EPHB2: variants seen among roughly 807,000 people sequenced by gnomAD.
The protein encoded by EPHB2 is ephrin type-B receptor 2.
Under a neutral mutation model 96.4 loss-of-function variants are expected in EPHB2, and 18 were observed. That is an observed-to-expected ratio of 0.19 (90% CI 0.13 to 0.28). The LOEUF (loss-of-function observed/expected upper bound fraction) is 0.28, where lower values mean the gene tolerates loss of function less well. Among genes scored for constraint, EPHB2 ranks in the 10% least tolerant of loss-of-function variants. EPHB2 has a pLI of 1.00. For synonymous variants in EPHB2, 506 were observed against 534.1 expected (o/e 0.95, Z 0.72); for missense variants, 989 against 1,355.4 (o/e 0.73, Z 4.25).
At chr1:22,801,746 C>G (rs567546423) in intron 3 of EPHB2, among the ~76,000 whole-genome samples, 11 of 152,332 alleles carry the variant, frequency 7.2e-5, no homozygotes, top group Non-Finnish European at 1.6e-4. Flanking sequence ...TCCCCTTCCC[C>G]CTCCAGATGG....
At position 22,816,466 on chromosome 1, in the gene EPHB2, C is replaced by T. The variant is rs186566302; in HGVS notation, c.811+31390C>T. Among the ~76,000 whole-genome samples the T allele has an allele frequency of 1.6e-4, 24 of 152,296 alleles. No individual in the cohort carries two copies. The East Asian group carries it at 4.6e-3, about 29-fold the overall frequency. On this transcript the variant is annotated intron_variant, in intron 3 of 15. Transcript: ENST00000374630. ...TTCCAAGCCCATTGGCCCAACTCCC[C>T]CATCCCCACCCACCAGTACCTTAGG...
At chr1:22,791,973 T>A (rs1557677122) in intron 3 of EPHB2, among the ~76,000 whole-genome samples, 2 of 152,208 alleles carry the variant, frequency 1.3e-5, no homozygotes, top group African/African-American at 2.4e-5. Context: ...CAGCTGCCTT[T>A]GAGAGTGCCT....
rs1399162607 is a variant in EPHB2 at position 22,905,885 on chromosome 1, C to T, written c.1766-102C>T. ...AGTTGCCCAGTTCTTATGGGGGCCA[C>T]ATGGGAGTGGATTTCCCTCCACGGA... On this transcript the variant is annotated intron_variant, in intron 9 of 15. Transcript: ENST00000374630. 3.1e-6 allele frequency: 5 copies of T among 1,588,406 alleles called. No individual in the cohort carries two copies. The Admixed American group carries it at 8.4e-5, about 27-fold the overall frequency.
At chr1:22,862,148 T>C (rs1232877582) in intron 3 of EPHB2, among the ~76,000 whole-genome samples, 11 of 152,198 alleles carry the variant, frequency 7.2e-5, no homozygotes, top group Admixed American at 7.2e-4. Context: ...TGAATATGTG[T>C]GCACACAAGG....
intron 2 of EPHB2, 70 bp downstream of exon 2, chr1:22,781,555 G>C: frequency 6.6e-7 from 1 of 1,506,560 alleles, no homozygotes; most frequent in East Asian, 2.3e-5. Context: ...GGGCCCGAAT[G>C]CCCCCTCATA....
At chr1:22,854,263 C>T (rs1645667453) in intron 3 of EPHB2, among the ~76,000 whole-genome samples, 1 of 152,148 alleles carries the variant, frequency 6.6e-6, no homozygotes, top group Admixed American at 6.5e-5. Flanking sequence ...GTAATCCCAG[C>T]ACTTAGGGAG....
chr1:22,753,694 C>T (rs568095655), intron 1 of EPHB2, among the ~76,000 whole-genome samples: 4 of 150,280 alleles, frequency 2.7e-5, no homozygotes, highest in South Asian at 4.1e-4. Flanking sequence ...GCTGAGTGGA[C>T]GGGCCCCCTG....
chr1:22,742,543 A>T (rs1426741970), intron 1 of EPHB2, among the ~76,000 whole-genome samples: 1 of 152,052 alleles, frequency 6.6e-6, no homozygotes, highest in East Asian at 1.9e-4. Flanking sequence ...GCTGGAGTGG[A>T]GTGCAATGGC....
intron 3 of EPHB2, among the ~76,000 whole-genome samples, chr1:22,791,727 A>G (rs928564244): frequency 1.3e-5 from 2 of 152,128 alleles, no homozygotes; most frequent in Non-Finnish European, 2.9e-5. Context: ...ACCGTAATTT[A>G]TTTACTACTG....
chr1:22,842,144 G>A (rs1315508910), intron 3 of EPHB2, among the ~76,000 whole-genome samples: 3 of 151,906 alleles, frequency 2.0e-5, no homozygotes, highest in Non-Finnish European at 4.4e-5. Context: ...AAGGAGCAGC[G>A]TGGCTACAGA....
At chr1:22,828,640 C>A (rs17435615) in intron 3 of EPHB2, among the ~76,000 whole-genome samples, 43,529 of 151,888 alleles carry the variant, frequency 0.29, 6,681 homozygotes, top group Middle Eastern at 0.44. Context: ...TCACAGTCAC[C>A]GCCTGTCACG....
chr1:22,726,923 A>G (rs926037039), intron 1 of EPHB2, among the ~76,000 whole-genome samples: 1 of 152,208 alleles, frequency 6.6e-6, no homozygotes, highest in African/African-American at 2.4e-5. Flanking sequence ...GATGGAAAGA[A>G]GGGCATTCTT....
intron 1 of EPHB2, among the ~76,000 whole-genome samples, chr1:22,757,777 C>T (rs1321278872): frequency 9.2e-5 from 14 of 152,088 alleles, no homozygotes; most frequent in South Asian, 2.1e-4. Flanking sequence ...GTGGGAGAAT[C>T]GCTTATGCCT....
intron 1 of EPHB2, among the ~76,000 whole-genome samples, chr1:22,741,869 C>T (rs889795525): frequency 4.6e-5 from 7 of 151,934 alleles, no homozygotes; most frequent in Non-Finnish European, 7.4e-5. Flanking sequence ...ATGAGAAGGC[C>T]GGAGCTCAGT....
chr1:22,770,945 T>C (rs1424660449), intron 1 of EPHB2, among the ~76,000 whole-genome samples: 7 of 152,066 alleles, frequency 4.6e-5, no homozygotes, highest in African/African-American at 1.7e-4. Context: ...CATGGGGCAT[T>C]GTGAGCATCA....
intron 9 of EPHB2, among the ~76,000 whole-genome samples, chr1:22,904,769 C>T (rs556928536): frequency 2.6e-5 from 4 of 152,326 alleles, no homozygotes; most frequent in Admixed American, 1.3e-4. Context: ...GGCTATAAGC[C>T]AATTCGCCAA....
chr1:22,839,891 C>G (rs1570366979), intron 3 of EPHB2, among the ~76,000 whole-genome samples: 2 of 152,160 alleles, frequency 1.3e-5, no homozygotes, highest in African/African-American at 2.4e-5. Context: ...CTATCGTACC[C>G]TACACTCCTT....
intron 3 of EPHB2, among the ~76,000 whole-genome samples, chr1:22,791,099 C>T (rs1644684489): frequency 6.6e-6 from 1 of 152,088 alleles, no homozygotes; most frequent in Admixed American, 6.5e-5. Flanking sequence ...GGCTGTTATA[C>T]AGAGTAAATG....
At chr1:22,861,496 A>G (rs1638258683) in intron 3 of EPHB2, among the ~76,000 whole-genome samples, 1 of 152,168 alleles carries the variant, frequency 6.6e-6, no homozygotes, top group South Asian at 2.1e-4. Context: ...AATAAAATTA[A>G]TAACAACAAC....
Sources: gnomAD v4.1 joint callset for allele counts (sites outside exome capture counted in the v4.1 genomes callset) on GRCh38, gnomAD v4.1.1 for gene constraint, MANE v1.5 for transcripts, NCBI Gene and HGNC (gene_info 2026-07-23, HGNC 2026-07-21) for gene names.